IMMP2L: variants seen among roughly 807,000 people sequenced by gnomAD.
The protein encoded by IMMP2L is inner mitochondrial membrane peptidase subunit 2.
IMMP2L carries 18 observed loss-of-function variants against 19.3 expected under a neutral mutation model. That is an observed-to-expected ratio of 0.93 (90% CI 0.64 to 1.38). IMMP2L has a LOEUF of 1.38. IMMP2L is among the 40% of genes most tolerant of loss of function. The pLI is 0.00. For synonymous variants in IMMP2L, 76 were observed against 73.0 expected, an observed-to-expected ratio of 1.04 and a Z score of -0.21; for missense variants, 233 against 218.2, an observed-to-expected ratio of 1.07 and a Z score of -0.43.
At chr7:111,368,144 G>C (rs2131069016) in intron 3 of IMMP2L, among the ~76,000 whole-genome samples, 1 of 151,554 alleles carries the variant, frequency 6.6e-6, no homozygotes, top group East Asian at 1.9e-4. Context: ...ATTGGATATA[G>C]GAAAAAAGAG....
intron 3 of IMMP2L, among the ~76,000 whole-genome samples, chr7:111,396,319 T>A (rs957252082): frequency 1.3e-5 from 2 of 152,118 alleles, no homozygotes; most frequent in Admixed American, 6.5e-5. Flanking sequence ...CACGGAATAC[T>A]ATGCAGCCAT....
Position 110,984,792 on chromosome 7 carries a change from A to T in IMMP2L, c.240-21227T>A, listed in dbSNP as rs368343738. Among the ~76,000 whole-genome samples, 43 of 152,276 alleles carry T rather than the reference A, an allele frequency of 2.8e-4. 1 individual carries two copies. The East Asian group carries it at 4.0e-3, about 14-fold the overall frequency. On this transcript the variant is annotated intron_variant, in intron 3 of 5. Coordinates refer to ENST00000405709, the MANE Select transcript of IMMP2L (RefSeq NM_032549.4). The stretch of plus-strand genomic sequence containing the variant: ...TCGTGCATCTTAAATTTGTAAAGCT[A>T]GTATGGCAGGCAAAATAATGGCCCT...
intron 4 of IMMP2L, among the ~76,000 whole-genome samples, chr7:110,914,858 A>C (rs989536940): frequency 6.6e-6 from 1 of 152,168 alleles, no homozygotes; most frequent in African/African-American, 2.4e-5. Flanking sequence ...AATCAAAATC[A>C]CTAATCATCA....
chr7:111,024,040 G>C (rs1222001853), intron 3 of IMMP2L, among the ~76,000 whole-genome samples: 1 of 152,134 alleles, frequency 6.6e-6, no homozygotes, highest in African/African-American at 2.4e-5. Context: ...CAAATGAATA[G>C]ATCTGAAATA....
chr7:110,861,077 G>GTA (rs1807344784), intron 5 of IMMP2L, among the ~76,000 whole-genome samples: 2 of 101,092 alleles, frequency 2.0e-5, no homozygotes, highest in African/African-American at 7.9e-5. Flanking sequence ...GTTTGTGTGT[G>GTA]TGTGTGTGTG....
chr7:110,908,239 C>G (rs1467758998), intron 4 of IMMP2L, among the ~76,000 whole-genome samples: 1 of 152,128 alleles, frequency 6.6e-6, no homozygotes, highest in African/African-American at 2.4e-5. Context: ...TTTTATTAAG[C>G]CATCAAACTT....
chr7:110,693,214 C>T (rs1793633104), intron 5 of IMMP2L, among the ~76,000 whole-genome samples: 4 of 152,132 alleles, frequency 2.6e-5, no homozygotes. Context: ...TTAAGAAGGG[C>T]AGAGGTTTTG....
chr7:111,269,011 G>C (rs1818156298), intron 3 of IMMP2L, among the ~76,000 whole-genome samples: 1 of 152,104 alleles, frequency 6.6e-6, no homozygotes, highest in African/African-American at 2.4e-5. Context: ...GCAAGGTCCA[G>C]TTACTGCATA....
intron 5 of IMMP2L, among the ~76,000 whole-genome samples, chr7:110,731,065 C>A (rs1584642667): frequency 6.6e-6 from 1 of 152,162 alleles, no homozygotes; most frequent in African/African-American, 2.4e-5. Context: ...ATTTAAAACA[C>A]AATATCCAAT....
chr7:111,543,864 T>C (rs1848687008), intron 1 of IMMP2L, among the ~76,000 whole-genome samples: 1 of 152,200 alleles, frequency 6.6e-6, no homozygotes, highest in Non-Finnish European at 1.5e-5. Flanking sequence ...AATACTTTTC[T>C]TCAGACTTTT....
At chr7:111,378,119 C>A (rs1830855536) in intron 3 of IMMP2L, among the ~76,000 whole-genome samples, 1 of 151,788 alleles carries the variant, frequency 6.6e-6, no homozygotes, top group South Asian at 2.1e-4. Flanking sequence ...AATCTCTAAT[C>A]AATTTTTGTT....
chr7:111,469,672 T>C (rs889657588), intron 3 of IMMP2L, among the ~76,000 whole-genome samples: 1 of 152,156 alleles, frequency 6.6e-6, no homozygotes, highest in Non-Finnish European at 1.5e-5. Flanking sequence ...GCTAGCCATA[T>C]GTACAAAGCT....
intron 3 of IMMP2L, among the ~76,000 whole-genome samples, chr7:111,461,444 G>C (rs1315808842): frequency 6.6e-6 from 1 of 151,962 alleles, no homozygotes; most frequent in East Asian, 1.9e-4. Flanking sequence ...TAGCAAAGAT[G>C]AAAGTATTTT....
chr7:111,142,913 C>T (rs1043985148), intron 3 of IMMP2L, among the ~76,000 whole-genome samples: 5 of 152,072 alleles, frequency 3.3e-5, no homozygotes, highest in Admixed American at 6.6e-5. Flanking sequence ...ATATCTTTTA[C>T]GTTACAGACA....
At chr7:110,780,808 C>CTA (rs1799687208) in intron 5 of IMMP2L, among the ~76,000 whole-genome samples, 2 of 151,934 alleles carry the variant, frequency 1.3e-5, no homozygotes, top group South Asian at 2.1e-4. Context: ...CTTTGCTACT[C>CTA]TACTTCCCCA....
chr7:111,501,714 A>C (rs1050923530), intron 2 of IMMP2L, among the ~76,000 whole-genome samples: 1 of 152,154 alleles, frequency 6.6e-6, no homozygotes, highest in African/African-American at 2.4e-5. Context: ...TTTCATATCC[A>C]GCCAAACTAA....
At chr7:110,974,894 G>T (rs141634447) in intron 3 of IMMP2L, among the ~76,000 whole-genome samples, 1 of 152,038 alleles carries the variant, frequency 6.6e-6, no homozygotes, top group Non-Finnish European at 1.5e-5. Context: ...TGTGTTATAC[G>T]TAGGAGAAAA....
intron 5 of IMMP2L, among the ~76,000 whole-genome samples, chr7:110,694,220 T>C (rs1294871561): frequency 1.3e-5 from 2 of 152,152 alleles, no homozygotes; most frequent in Non-Finnish European, 2.9e-5. Context: ...TACAAGTGAA[T>C]AGTTGGCTAA....
At chr7:111,228,272 A>G (rs1813323731) in intron 3 of IMMP2L, among the ~76,000 whole-genome samples, 2 of 151,834 alleles carry the variant, frequency 1.3e-5, no homozygotes, top group South Asian at 4.1e-4. Flanking sequence ...TGGGGACAGG[A>G]GCACTTGGAA....
Sources: allele counts gnomAD v4.1 joint callset (sites outside exome capture counted in the v4.1 genomes callset), GRCh38; gene constraint gnomAD v4.1.1; transcripts MANE v1.5; gene names NCBI Gene and HGNC (gene_info 2026-07-23, HGNC 2026-07-21).